Variants in GSTZ1 observed in about 807,000 individuals in gnomAD.
GSTZ1 encodes maleylacetoacetate isomerase.
A neutral mutation model predicts 35.9 loss-of-function variants in GSTZ1; 34 were observed. The observed-to-expected ratio is 0.95, with a 90% CI of 0.72 to 1.26. GSTZ1 has a LOEUF of 1.26. Among genes scored for constraint, GSTZ1 ranks in the 50% most tolerant of loss-of-function variants. GSTZ1 has a pLI of 0.00. For missense variants in GSTZ1, 263 were observed against 271.7 expected, an observed-to-expected ratio of 0.97 and a Z score of 0.23; for synonymous variants, 93 against 101.2, an observed-to-expected ratio of 0.92 and a Z score of 0.49.
At chr14:77,321,220 A>G (rs2139556012) in intron 1 of GSTZ1, 37 bp downstream of exon 1, 1 of 1,518,228 alleles carries the variant, frequency 6.6e-7, no homozygotes, top group Non-Finnish European at 8.9e-7. Flanking sequence ...GAAGCTGGTT[A>G]GACACCTGGA....
chr14:77,329,888 C>G (rs1479107434), intron 7 of GSTZ1, 81 bp downstream of exon 7: 26 of 1,052,364 alleles, frequency 2.5e-5, no homozygotes, highest in Non-Finnish European at 3.4e-5. Flanking sequence ...TCAGAGCTTC[C>G]TGAGAAGGCG....
intron 3 of GSTZ1, chr14:77,327,184 G>A (rs1022048476): frequency 1.7e-6 from 1 of 594,328 alleles, no homozygotes; most frequent in African/African-American, 1.9e-5. Context: ...ACCCCATACT[G>A]GGCCCTCTGG....
intron 1 of GSTZ1, chr14:77,322,596 G>A: frequency 1.0e-6 from 1 of 984,700 alleles, no homozygotes; most frequent in Non-Finnish European, 1.2e-6. Context: ...CTGTAGCCTG[G>A]CTAGGTAAGG....
chr14:77,329,148 G>A lies in GSTZ1; in HGVS notation c.368G>A (p.Gly123Glu). Reference sequence around the variant, plus strand: ...AACCTGTCTGTCCTGAAGCAAGTGGGAGAGGAGATGCAGCTGACCTGGGCC... The same window carrying A: ...AACCTGTCTGTCCTGAAGCAAGTGGAAGAGGAGATGCAGCTGACCTGGGCC... ...LQNLSVLKQVGEEMQLTWAQN... is the reference protein window; with the variant it reads ...LQNLSVLKQVEEEMQLTWAQN... The change falls in exon 6 of 9, where the codon GGA (glycine) becomes GAA (glutamate). Residue 123 changes from glycine (G) to glutamate (E), a missense_variant. Transcript: ENST00000216465. 1 of 1,613,380 alleles carries A rather than the reference G, an allele frequency of 6.2e-7. No individual in the cohort carries two copies. Among genetic ancestry groups the A allele is most frequent in the Non-Finnish European group, 8.5e-7 (1 of 1,179,248 alleles).
intron 6 of GSTZ1, 29 bp downstream of exon 6, chr14:77,329,230 A>T (rs1374664375): frequency 7.0e-7 from 1 of 1,430,222 alleles, no homozygotes; most frequent in Non-Finnish European, 9.9e-7. Flanking sequence ...GAGCTGCCCC[A>T]CAGTGGCCTC....
chr14:77,323,735 G>C (rs1404505150), intron 1 of GSTZ1: 1 of 152,278 alleles, frequency 6.6e-6, no homozygotes, highest in Non-Finnish European at 1.5e-5. Context: ...TAGGGCCCCA[G>C]TGAGCTGCCA....
At chr14:77,329,489 C>G (rs1208627144) in intron 6 of GSTZ1, 1 of 595,558 alleles carries the variant, frequency 1.7e-6, no homozygotes, top group Non-Finnish European at 3.0e-6. Flanking sequence ...CAGCGCCAGC[C>G]ATCAGAGTGA....
At chr14:77,330,204 G>A (rs764558500) in intron 7 of GSTZ1, 106 bp from the exon 8 acceptor site, 60 of 845,810 alleles carry the variant, frequency 7.1e-5, no homozygotes, top group African/African-American at 2.5e-4. Flanking sequence ...TGAAAGAGCC[G>A]AAGCAGATTG....
chr14:77,329,564 C>T (rs962094424), intron 6 of GSTZ1, 191 bp from the exon 7 acceptor site: 17 of 609,798 alleles, frequency 2.8e-5, no homozygotes, highest in African/African-American at 1.5e-4. Context: ...ATTGTCTGTG[C>T]GGAGCCTCAG....
chr14:77,328,822 C>T, intron 5 of GSTZ1: 1 of 432,938 alleles, frequency 2.3e-6, no homozygotes, highest in Non-Finnish European at 4.3e-6. Context: ...GTTGTGGGCA[C>T]ACCTGCCACA....
chr14:77,325,071 C>T, intron 2 of GSTZ1, 150 bp downstream of exon 2: 1 of 683,528 alleles, frequency 1.5e-6, no homozygotes. Flanking sequence ...TCCTAGAACC[C>T]CCATCCCTGC....
chr14:77,330,003 G>A, intron 7 of GSTZ1, 196 bp downstream of exon 7: 2 of 647,430 alleles, frequency 3.1e-6, no homozygotes, highest in Non-Finnish European at 5.6e-6. Flanking sequence ...GAGAGGATGA[G>A]GCGGGCCAGC....
Position 77,331,520 on chromosome 14 carries a change from T to C in GSTZ1, c.*325T>C, listed in dbSNP as rs1006106166. On this transcript the variant is annotated 3_prime_UTR_variant, in exon 9 of 9. Transcript: ENST00000216465. Reference sequence around the variant, plus strand: ...GGGGAAGGCTGTGTGCCTTTTCTCATCCGCTTTTGTTGTGTGTGACTCCAA... The same window carrying C: ...GGGGAAGGCTGTGTGCCTTTTCTCACCCGCTTTTGTTGTGTGTGACTCCAA... The C allele has an allele frequency of 4.7e-5, 12 of 257,230 alleles. No individual in the cohort carries two copies. The highest frequency in any genetic ancestry group is 2.6e-4 in the African/African-American group (12 of 46,190). 15.9% of individuals were successfully genotyped at this position (257,230 alleles called of 1,614,324 possible).
At position 77,322,788 on chromosome 14, in the gene GSTZ1, A is replaced by G. The variant is rs370336170; in HGVS notation, c.15+1605A>G. 35 of 825,996 alleles carry G rather than the reference A, an allele frequency of 4.2e-5. No individual in the cohort carries two copies. In the East Asian group the frequency reaches 7.4e-4, roughly 17 times the overall value. 51.2% of individuals were successfully genotyped at this position (825,996 alleles called of 1,614,324 possible). ...CTTGGGAACCATCTTGGAAGGGCCT[A>G]GGTTCCCACTTACACCCTTGCCATC... On this transcript the variant is annotated intron_variant, in intron 1 of 8. Coordinates refer to ENST00000216465, the MANE Select transcript of GSTZ1 (RefSeq NM_145870.3).
chr14:77,330,443 C>A (rs1892565456), intron 8 of GSTZ1, 84 bp downstream of exon 8: 1 of 1,138,690 alleles, frequency 8.8e-7, no homozygotes, highest in Non-Finnish European at 1.3e-6. Context: ...GCATCTCATG[C>A]AGACGCTTCG....
At chr14:77,327,605 A>C (rs1892391365) in intron 4 of GSTZ1, 53 bp downstream of exon 4, 2 of 1,169,770 alleles carry the variant, frequency 1.7e-6, no homozygotes, top group African/African-American at 3.0e-5. Context: ...CCTGAATGAG[A>C]GCGCCTGACA....
chr14:77,321,932 A>C (rs1373075239), intron 1 of GSTZ1, among the ~76,000 whole-genome samples: 1 of 150,830 alleles, frequency 6.6e-6, no homozygotes, highest in African/African-American at 2.4e-5. Flanking sequence ...CATGACAATC[A>C]CCTGGGGAGC....
At chr14:77,329,551 G>A in intron 6 of GSTZ1, 1 of 601,802 alleles carries the variant, frequency 1.7e-6, no homozygotes, top group Non-Finnish European at 3.0e-6. Context: ...TGGGGAAATG[G>A]TGATTGTCTG....
intron 7 of GSTZ1, chr14:77,330,052 C>A: frequency 1.5e-6 from 1 of 659,038 alleles, no homozygotes. Context: ...TCTGCGCAGT[C>A]AAGGCAATCC....
Sources: gnomAD v4.1 joint callset for allele counts (sites outside exome capture counted in the v4.1 genomes callset) on GRCh38, gnomAD v4.1.1 for gene constraint, MANE v1.5 for transcripts, NCBI Gene and HGNC (gene_info 2026-07-23, HGNC 2026-07-21) for gene names.